LRRC8B: variants seen among roughly 807,000 people sequenced by gnomAD.
LRRC8B encodes volume-regulated anion channel subunit LRRC8B.
Under a neutral mutation model 58.8 loss-of-function variants are expected in LRRC8B, and 23 were observed. The ratio of observed to expected loss-of-function variants is 0.39; its 90% CI spans 0.28 to 0.55. LRRC8B has a LOEUF of 0.55. LRRC8B is among the 20% of genes least tolerant of loss of function. LRRC8B has a pLI of 0.62. For missense variants in LRRC8B, 694 were observed against 936.0 expected, an observed-to-expected ratio of 0.74 and a Z score of 3.37; for synonymous variants, 359 against 374.1, an observed-to-expected ratio of 0.96 and a Z score of 0.47.
intron 1 of LRRC8B, among the ~76,000 whole-genome samples, chr1:89,536,389 G>A (rs539855932): frequency 3.3e-5 from 5 of 152,124 alleles, no homozygotes; most frequent in Non-Finnish European, 7.4e-5. Flanking sequence ...AAATCTCTAA[G>A]GATTGGGAAA....
At position 89,582,644 on chromosome 1, in the gene LRRC8B, G is replaced by A. The variant is rs1654317235; in HGVS notation, c.-7G>A. 1.2e-6 allele frequency: 2 copies of A among 1,601,646 alleles called. No homozygotes were observed. The highest frequency in any genetic ancestry group is 1.7e-6 in the Non-Finnish European group (2 of 1,169,800). On this transcript the variant is annotated 5_prime_UTR_variant, in exon 5 of 6. Transcript: ENST00000330947. ...TTCCAGTTTCTGTCCTCCTACAAGGGAAAGTCATGATTACACTAACTGAGC... is the reference window on the plus strand; with the variant it reads ...TTCCAGTTTCTGTCCTCCTACAAGGAAAAGTCATGATTACACTAACTGAGC...
rs148254265 is a variant in LRRC8B, at chr1:89,539,122, A to G, written c.-241+14100A>G. Among the ~76,000 whole-genome samples the G allele has an allele frequency of 1.8e-4, 27 of 152,220 alleles. No homozygotes were observed. The East Asian group carries it at 5.2e-3, about 29-fold the overall frequency. ...TTATTGACATTTTAGGGTATTTTCT[A>G]TTGTTGCTCTCTTAAAGGCAAAGAA... is the stretch of plus-strand genomic sequence containing the variant. On this transcript the variant is annotated intron_variant, in intron 1 of 5. Coordinates refer to ENST00000330947, the MANE Select transcript of LRRC8B (RefSeq NM_001369817.2).
At chr1:89,534,955 T>C (rs1650420780) in intron 1 of LRRC8B, among the ~76,000 whole-genome samples, 1 of 152,122 alleles carries the variant, frequency 6.6e-6, no homozygotes, top group South Asian at 2.1e-4. Flanking sequence ...TGTAATCCTA[T>C]GGGTATTTCA....
In LRRC8B at chr1:89,549,791, T is replaced by A. The variant is rs550113516; in HGVS notation, c.-240-18456T>A. The stretch of plus-strand genomic sequence containing the variant: ...ATATGGGAGATGGACTGAGGCTGCA[T>A]TGAGTTATTTATTTTAAATAACTTT... On this transcript the variant is annotated intron_variant, in intron 1 of 5. Transcript: ENST00000330947. 2.6e-5 allele frequency: 4 copies of A among 152,336 alleles called. No homozygotes were observed. In the South Asian group the frequency reaches 8.3e-4, roughly 32 times the overall value. 9.4% of individuals were successfully genotyped at this position (152,336 alleles called of 1,614,324 possible). A position where few individuals can be genotyped will look rare whatever the true frequency, so the allele number is the denominator to read the frequency against.
chr1:89,551,093 G>A (rs970917575), intron 1 of LRRC8B, among the ~76,000 whole-genome samples: 13 of 151,814 alleles, frequency 8.6e-5, no homozygotes, highest in Non-Finnish European at 1.5e-5. Flanking sequence ...CAGCCTCACT[G>A]CTCTTCCTCA....
chr1:89,592,642 C>A, intron 5 of LRRC8B, 129 bp from the exon 6 acceptor site: 1 of 755,002 alleles, frequency 1.3e-6, no homozygotes, highest in Non-Finnish European at 2.1e-6. Context: ...AATTTATCAT[C>A]ATTGTAGTCT....
At chr1:89,571,496 C>T (rs185665078) in intron 3 of LRRC8B, among the ~76,000 whole-genome samples, 111 of 152,230 alleles carry the variant, frequency 7.3e-4, no homozygotes, top group African/African-American at 2.5e-3. Flanking sequence ...TGGCTCTCAA[C>T]GTGACTGTTG....
chr1:89,558,530 C>T (rs1652361418), intron 1 of LRRC8B, among the ~76,000 whole-genome samples: 1 of 152,074 alleles, frequency 6.6e-6, no homozygotes, highest in Non-Finnish European at 1.5e-5. Flanking sequence ...ATGACATGGG[C>T]CCCATCCAAG....
rs1279494192 is a variant in LRRC8B, at chr1:89,584,223, C to G, written c.1573C>G (p.Gln525Glu). The G allele has an allele frequency of 1.2e-6, 2 of 1,612,060 alleles. No individual in the cohort carries two copies. The highest frequency in any genetic ancestry group is 1.7e-5 in the Admixed American group (1 of 60,030). The change falls in exon 5 of 6, where the codon CAG becomes GAG. Residue 525 changes from glutamine (Q) to glutamate (E), a missense_variant. Gln to Glu is a conservative substitution (Grantham distance 29). This residue lies in a region of LRRC8B where 162 missense variants were observed against 198.5 expected (regional missense o/e 0.82). Transcript: ENST00000330947. The stretch of plus-strand genomic sequence containing the variant: ...TCTTTCGGGCTGTGTTCTCCCTGAA[C>G]AGTTGAGTACTATGCAGTTGGAGGG... ...LYLSGCVLPEQLSTMQLEGFQ... is the reference protein window; with the variant it reads ...LYLSGCVLPEELSTMQLEGFQ...
intron 1 of LRRC8B, among the ~76,000 whole-genome samples, chr1:89,547,530 A>G (rs375462365): frequency 2.4e-4 from 37 of 152,334 alleles, no homozygotes; most frequent in African/African-American, 7.9e-4. Flanking sequence ...TTACAATGAA[A>G]ATAAATTGCC....
At chr1:89,584,823 C>G (rs2101073072) in intron 5 of LRRC8B, 34 bp downstream of exon 5, 2 of 1,423,372 alleles carry the variant, frequency 1.4e-6, no homozygotes, top group Non-Finnish European at 1.9e-6. Context: ...TATTCAGTAT[C>G]TGCCGTACTT....
intron 1 of LRRC8B, among the ~76,000 whole-genome samples, chr1:89,559,429 G>C (rs1046198762): frequency 5.9e-5 from 9 of 151,904 alleles, no homozygotes; most frequent in Non-Finnish European, 1.2e-4. Flanking sequence ...ACAATTGCTT[G>C]TGTCCAGGAG....
chr1:89,583,622 A>G lies in LRRC8B; in HGVS notation c.972A>G (p.Ile324Met), dbSNP rs1654407086. ...VLASFYVILVILYGLTSSYSL... is the reference protein window; with the variant it reads ...VLASFYVILVMLYGLTSSYSL... The stretch of plus-strand genomic sequence containing the variant: ...CTTCATTTTATGTCATTTTGGTTAT[A>G]CTTTATGGTCTGACCTCTTCCTACA... Residue 324 changes from isoleucine to methionine, a missense_variant, in exon 5 of 6, where the codon ATA (isoleucine) becomes ATG (methionine). Coordinates refer to ENST00000330947, the MANE Select transcript of LRRC8B (RefSeq NM_001369817.2). This position sits in a 1 kb window ranked among gnomAD's most constrained non-coding sequence, Gnocchi z 5.2. 6.2e-7 allele frequency: 1 copy of G among 1,612,662 alleles called. No individual in the cohort carries two copies. The highest frequency in any genetic ancestry group is 8.5e-7 in the Non-Finnish European group (1 of 1,180,014).
At chr1:89,538,122 T>TACCACTCTTGG (rs1553154033) in intron 1 of LRRC8B, among the ~76,000 whole-genome samples, 1 of 152,166 alleles carries the variant, frequency 6.6e-6, no homozygotes, top group Non-Finnish European at 1.5e-5. Flanking sequence ...GGTTAGAACA[T>TACCACTCTTGG]ACCACTCTTT....
chr1:89,530,509 A>G (rs12739645), intron 1 of LRRC8B, among the ~76,000 whole-genome samples: 35,059 of 152,130 alleles, frequency 0.23, 4,523 homozygotes, highest in Admixed American at 0.34. Flanking sequence ...GTCTTGATAC[A>G]ACAAGCAGAT....
intron 5 of LRRC8B, among the ~76,000 whole-genome samples, chr1:89,586,746 C>A (rs1194036775): frequency 6.6e-6 from 1 of 152,134 alleles, no homozygotes; most frequent in Admixed American, 6.5e-5. Context: ...AGTGGGTTGT[C>A]CCAGAAATCT....
chr1:89,550,379 C>T (rs1407943215), intron 1 of LRRC8B, among the ~76,000 whole-genome samples: 2 of 152,102 alleles, frequency 1.3e-5, no homozygotes, highest in Non-Finnish European at 1.5e-5. Context: ...TAAGATTTGA[C>T]GCTGACTGGA....
intron 4 of LRRC8B, among the ~76,000 whole-genome samples, chr1:89,580,439 C>T (rs1289184230): frequency 6.6e-6 from 1 of 152,198 alleles, no homozygotes; most frequent in East Asian, 1.9e-4. Context: ...AGTATGCATA[C>T]ATGTCAACTA....
chr1:89,542,174 T>G (rs1026473746), intron 1 of LRRC8B, among the ~76,000 whole-genome samples: 1 of 152,218 alleles, frequency 6.6e-6, no homozygotes, highest in African/African-American at 2.4e-5. Context: ...ATTATTTATT[T>G]CTGCACCTAC....
Sources: allele counts gnomAD v4.1 joint callset (sites outside exome capture counted in the v4.1 genomes callset), GRCh38; gene constraint gnomAD v4.1.1; regional missense constraint gnomAD v4.1.1; non-coding constraint Gnocchi (gnomAD v3.1); transcripts MANE v1.5; gene names NCBI Gene and HGNC (gene_info 2026-07-23, HGNC 2026-07-21).